The following RALGAPB variants were observed in gnomAD, a reference collection of about 807,000 sequenced individuals.
The protein encoded by RALGAPB is Ral GTPase activating protein non-catalytic subunit beta, also known as ral GTPase-activating protein subunit beta.
RALGAPB carries 25 observed loss-of-function variants against 161.1 expected under a neutral mutation model. The observed-to-expected ratio is 0.16, with a 90% CI of 0.11 to 0.22. The LOEUF is 0.22. Among genes scored for constraint, RALGAPB ranks in the 10% least tolerant of loss-of-function variants. RALGAPB has a pLI of 1.00. For synonymous variants in RALGAPB, 629 were observed against 626.1 expected (o/e 1.00, Z -0.07); for missense variants, 1,391 against 1,815.2 (o/e 0.77, Z 4.25).
At chr20:38,518,778 T>TA (rs1298099506) in intron 9 of RALGAPB, among the ~76,000 whole-genome samples, 5 of 152,206 alleles carry the variant, frequency 3.3e-5, no homozygotes, top group Non-Finnish European at 7.3e-5. Context: ...GGTACTGTGA[T>TA]ATATGCATTA....
chr20:38,493,905 G>A (rs1228583976), intron 3 of RALGAPB, among the ~76,000 whole-genome samples: 2 of 152,306 alleles, frequency 1.3e-5, no homozygotes, highest in African/African-American at 4.8e-5. Flanking sequence ...TTCTGCGTGA[G>A]TGCTGCTCTG....
intron 22 of RALGAPB, 37 bp from the exon 23 acceptor site, chr20:38,558,258 A>T: frequency 7.0e-7 from 1 of 1,432,842 alleles, no homozygotes; most frequent in Non-Finnish European, 9.3e-7. Flanking sequence ...ATGAAAGAAA[A>T]TAGGTAATAA....
chr20:38,546,143 C>A, intron 18 of RALGAPB, 100 bp from the exon 19 acceptor site: 1 of 1,568,466 alleles, frequency 6.4e-7, no homozygotes, highest in East Asian at 2.3e-5. Flanking sequence ...TGGCTGTGGT[C>A]AATTAAAATT....
At chr20:38,484,835 A>G (rs1039919758) in intron 1 of RALGAPB, among the ~76,000 whole-genome samples, 1 of 152,058 alleles carries the variant, frequency 6.6e-6, no homozygotes, top group Non-Finnish European at 1.5e-5. Flanking sequence ...AGCTGGGATT[A>G]CAGGCATGCA....
chr20:38,512,507 C>T (rs775833538), intron 6 of RALGAPB, among the ~76,000 whole-genome samples: 4 of 152,182 alleles, frequency 2.6e-5, no homozygotes, highest in Non-Finnish European at 2.9e-5. Context: ...GCATGTAAAA[C>T]GGCATGATGC....
chr20:38,552,303 G>A (rs759125347), intron 21 of RALGAPB, among the ~76,000 whole-genome samples: 97 of 152,114 alleles, frequency 6.4e-4, no homozygotes, highest in Non-Finnish European at 8.2e-4. Context: ...ACCATGCCTG[G>A]CCAATTTTTG....
Position 38,551,127 on chromosome 20 carries a change from T to A in RALGAPB, c.3066T>A (p.Ser1022=), listed in dbSNP as rs767961550. ...VPKNDVGFKY[S]VKHRPFPEEV... is the part of the protein sequence containing the mutation. ...AAAATGACGTTGGATTTAAATATTC[T>A]GTGAAACATCGGCCATTTCCTGAAG... Residue 1022 remains serine (S), a synonymous_variant, in exon 21 of 30, where the codon TCT becomes TCA. Coordinates refer to ENST00000262879, the MANE Select transcript of RALGAPB (RefSeq NM_020336.4). The A allele has an allele frequency of 3.1e-6, 5 of 1,614,004 alleles. No individual in the cohort carries two copies. The South Asian group carries it at 4.4e-5, about 14-fold the overall frequency.
At chr20:38,537,634 A>G (rs2145369745) in intron 16 of RALGAPB, 1 of 152,362 alleles carries the variant, frequency 6.6e-6, no homozygotes, top group African/African-American at 2.4e-5. Flanking sequence ...ATGAGATGAC[A>G]GATCACAGGC....
intron 10 of RALGAPB, among the ~76,000 whole-genome samples, chr20:38,524,363 AG>A (rs2086393487): frequency 6.6e-6 from 1 of 152,218 alleles, no homozygotes; most frequent in Non-Finnish European, 1.5e-5. Context: ...AATTTAACTC[AG>A]CAGTTCCCCC....
chr20:38,532,627 G>C, intron 14 of RALGAPB, 103 bp from the exon 15 acceptor site: 5 of 1,396,836 alleles, frequency 3.6e-6, no homozygotes, highest in Non-Finnish European at 5.0e-6. Context: ...GTACTATTCA[G>C]TTGGCACATT....
chr20:38,505,362 G>C (rs1234300375), intron 5 of RALGAPB, among the ~76,000 whole-genome samples: 1 of 152,136 alleles, frequency 6.6e-6, no homozygotes, highest in African/African-American at 2.4e-5. Flanking sequence ...ACTTATAAGT[G>C]GGTGCTAAAC....
chr20:38,479,652 A>G (rs2084908608), intron 1 of RALGAPB, among the ~76,000 whole-genome samples: 1 of 152,102 alleles, frequency 6.6e-6, no homozygotes, highest in Admixed American at 6.5e-5. Context: ...TTCCCATTAT[A>G]TTTACTTCTG....
chr20:38,568,193 C>A (rs559338917), intron 26 of RALGAPB, among the ~76,000 whole-genome samples: 1 of 151,962 alleles, frequency 6.6e-6, no homozygotes, highest in Non-Finnish European at 1.5e-5. Context: ...AGATAAAGCA[C>A]CATGTTTTTG....
chr20:38,513,298 G>A (rs1482175140), intron 6 of RALGAPB, among the ~76,000 whole-genome samples: 2 of 152,112 alleles, frequency 1.3e-5, no homozygotes, highest in East Asian at 3.9e-4. Context: ...GAAGTCAGGA[G>A]TTCGAGACCA....
At chr20:38,565,613 A>G in intron 25 of RALGAPB, 135 bp downstream of exon 25, 4 of 1,035,296 alleles carry the variant, frequency 3.9e-6, no homozygotes, top group Non-Finnish European at 5.4e-6. Context: ...AACAATATGC[A>G]GAAGCACAAG....
chr20:38,474,485 C>T (rs913251817), intron 1 of RALGAPB, among the ~76,000 whole-genome samples: 16 of 151,922 alleles, frequency 1.1e-4, no homozygotes, highest in African/African-American at 3.9e-4. Flanking sequence ...CTCCATGTTG[C>T]CCAGGCTGGT....
intron 13 of RALGAPB, 131 bp from the exon 14 acceptor site, chr20:38,531,036 A>G (rs1015596851): frequency 1.1e-5 from 8 of 741,822 alleles, no homozygotes; most frequent in Admixed American, 8.1e-5. Flanking sequence ...GCCAACTATA[A>G]TTTCATGGGT....
chr20:38,566,638 G>C (rs1049128933), intron 25 of RALGAPB, among the ~76,000 whole-genome samples: 1 of 152,168 alleles, frequency 6.6e-6, no homozygotes, highest in African/African-American at 2.4e-5. Context: ...TAATCACAGA[G>C]ACTAGATCTT....
At chr20:38,532,608 T>C in intron 14 of RALGAPB, 122 bp from the exon 15 acceptor site, 1 of 1,163,020 alleles carries the variant, frequency 8.6e-7, no homozygotes, top group Non-Finnish European at 1.2e-6. Flanking sequence ...TTTCTGTTAC[T>C]ATCAGTTTGT....
Sources: gnomAD v4.1 joint callset for allele counts (sites outside exome capture counted in the v4.1 genomes callset) on GRCh38, gnomAD v4.1.1 for gene constraint, MANE v1.5 for transcripts, NCBI Gene and HGNC (gene_info 2026-07-23, HGNC 2026-07-21) for gene names.